The following CLVS1 variants were observed in gnomAD, a reference collection of about 807,000 sequenced individuals.
The protein encoded by CLVS1 is clavesin 1, also known as clavesin-1.
CLVS1 carries 10 observed loss-of-function variants against 33.1 expected under a neutral mutation model. The ratio of observed to expected loss-of-function variants is 0.30; its 90% CI spans 0.19 to 0.51. The LOEUF is 0.51. CLVS1 is among the 20% of genes least tolerant of loss of function. The pLI is 0.97. For missense variants in CLVS1, 343 were observed against 433.4 expected, an observed-to-expected ratio of 0.79 and a Z score of 1.85; for synonymous variants, 163 against 166.1, an observed-to-expected ratio of 0.98 and a Z score of 0.14.
chr8:61,191,287 T>A (rs1280295482), intron 2 of CLVS1, among the ~76,000 whole-genome samples: 2 of 152,144 alleles, frequency 1.3e-5, no homozygotes, highest in African/African-American at 4.8e-5. Flanking sequence ...CATGATTATC[T>A]CAATAGATGC....
At chr8:61,452,507 G>A (rs1816999023) in intron 3 of CLVS1, among the ~76,000 whole-genome samples, 1 of 152,146 alleles carries the variant, frequency 6.6e-6, no homozygotes, top group South Asian at 2.1e-4. Context: ...ATAGTGAATA[G>A]CGCTTATTAT....
At chr8:61,381,588 C>T (rs1244685273) in intron 3 of CLVS1, among the ~76,000 whole-genome samples, 1 of 152,166 alleles carries the variant, frequency 6.6e-6, no homozygotes, top group African/African-American at 2.4e-5. Context: ...CGCCCTCCTT[C>T]TACCCTCCAA....
intron 2 of CLVS1, among the ~76,000 whole-genome samples, chr8:61,187,997 A>T (rs1387783908): frequency 6.6e-6 from 1 of 152,138 alleles, no homozygotes; most frequent in Admixed American, 6.6e-5. Flanking sequence ...TTGCATGAGC[A>T]TCTGGAAGCT....
At chr8:61,287,129 C>T (rs1468611908), upstream of CLVS1, among the ~76,000 whole-genome samples, 1 of 152,138 alleles carries the variant, frequency 6.6e-6, no homozygotes, top group Non-Finnish European at 1.5e-5. Flanking sequence ...ACTGGATATA[C>T]ATTGTGAAAT....
At chr8:61,158,090 A>G (rs1432945270) in intron 2 of CLVS1, among the ~76,000 whole-genome samples, 2 of 152,264 alleles carry the variant, frequency 1.3e-5, no homozygotes, top group African/African-American at 4.8e-5. Flanking sequence ...TGGAATGGAT[A>G]AACTATCATC....
At position 61,343,959 on chromosome 8, in the gene CLVS1, C is replaced by A. The variant is rs28650382; in HGVS notation, c.456-32646C>A. Among the ~76,000 whole-genome samples the A allele has an allele frequency of 3.1e-3, 477 of 152,242 alleles. 6 individuals carry two copies. The highest frequency in any genetic ancestry group is 0.011 in the African/African-American group (448 of 41,558). On this transcript the variant is annotated intron_variant, in intron 2 of 5. Coordinates refer to ENST00000325897, the MANE Select transcript of CLVS1 (RefSeq NM_173519.3). Reference sequence around the variant, plus strand: ...TTCTGTCTTAAAGGAGTTTGTTGAACATGATATACATACATACATATACAC... The same window carrying A: ...TTCTGTCTTAAAGGAGTTTGTTGAAAATGATATACATACATACATATACAC...
chr8:61,439,354 T>A (rs1816458358), intron 3 of CLVS1, among the ~76,000 whole-genome samples: 1 of 152,240 alleles, frequency 6.6e-6, no homozygotes, highest in Non-Finnish European at 1.5e-5. Flanking sequence ...TAGTCAAACA[T>A]AAACCCTTTT....
chr8:61,201,881 C>T (rs1278736596), intron 2 of CLVS1, among the ~76,000 whole-genome samples: 1 of 152,200 alleles, frequency 6.6e-6, no homozygotes, highest in African/African-American at 2.4e-5. Context: ...CACTCGCCAG[C>T]AGTTTTGCCA....
At chr8:61,240,852 G>C (rs1410300694) in intron 2 of CLVS1, among the ~76,000 whole-genome samples, 3 of 148,648 alleles carry the variant, frequency 2.0e-5, no homozygotes, top group Non-Finnish European at 3.0e-5. Context: ...GATCTCACGG[G>C]TAAAACTCTC....
intron 2 of CLVS1, among the ~76,000 whole-genome samples, chr8:61,268,013 T>C (rs1376849421): frequency 2.0e-5 from 3 of 150,462 alleles, no homozygotes; most frequent in African/African-American, 7.3e-5. Context: ...TATAAAAGTC[T>C]TTTTTTTTTA....
chr8:60,966,245 T>A, the CLVS1 span: 1 of 388,682 alleles, frequency 2.6e-6, no homozygotes. Flanking sequence ...GCTGTGAGTC[T>A]GAAGCTTGAA....
At chr8:61,454,695 G>A (rs1817083902) in intron 4 of CLVS1, among the ~76,000 whole-genome samples, 1 of 152,202 alleles carries the variant, frequency 6.6e-6, no homozygotes, top group African/African-American at 2.4e-5. Context: ...CTGTAAAGCT[G>A]GAAAAGCATT....
At chr8:61,088,797 C>CTTTTCTTTTTCTTTTT (rs1805175220) in intron 1 of CLVS1, among the ~76,000 whole-genome samples, 1 of 148,814 alleles carries the variant, frequency 6.7e-6, no homozygotes, top group African/African-American at 2.5e-5. Flanking sequence ...TTTTTCTTTT[C>CTTTTCTTTTTCTTTTT]TTTTCTTTTT....
intron 3 of CLVS1, 103 bp from the exon 4 acceptor site, chr8:61,454,038 C>T: frequency 1.3e-6 from 1 of 787,232 alleles, no homozygotes; most frequent in East Asian, 2.4e-5. Flanking sequence ...AGAGCTTCTA[C>T]CAGGCAGGAA....
intron 3 of CLVS1, among the ~76,000 whole-genome samples, chr8:61,390,435 T>C (rs957114095): frequency 6.6e-6 from 1 of 152,208 alleles, no homozygotes; most frequent in Non-Finnish European, 1.5e-5. Context: ...AGGAGTTAAC[T>C]CCTTAGGATA....
chr8:61,235,973 C>T (rs2931352), intron 2 of CLVS1, among the ~76,000 whole-genome samples: 1 of 151,928 alleles, frequency 6.6e-6, no homozygotes, highest in Admixed American at 6.5e-5. Flanking sequence ...AGGTTTCAGA[C>T]CCATGAAATT....
At chr8:61,047,040 G>A in the CLVS1 span, among the ~76,000 whole-genome samples, 20 of 152,238 alleles carry the variant, frequency 1.3e-4, no homozygotes, top group African/African-American at 4.8e-4. Flanking sequence ...AATAGGAGTG[G>A]TGAGAGAGGG....
chr8:61,422,095 ATT>A (rs36039456), intron 3 of CLVS1, among the ~76,000 whole-genome samples: 15 of 146,242 alleles, frequency 1.0e-4, no homozygotes, highest in South Asian at 4.4e-4. Flanking sequence ...TGCCAGGTTG[ATT>A]TTTTTTTTTT....
intron 2 of CLVS1, among the ~76,000 whole-genome samples, chr8:61,326,347 G>C (rs781591698): frequency 6.6e-6 from 1 of 152,264 alleles, no homozygotes; most frequent in Non-Finnish European, 1.5e-5. Flanking sequence ...TTGCATTTAG[G>C]TGTAGAGTCA....
Sources: gnomAD v4.1 joint callset for allele counts (sites outside exome capture counted in the v4.1 genomes callset) on GRCh38, gnomAD v4.1.1 for gene constraint, MANE v1.5 for transcripts, NCBI Gene and HGNC (gene_info 2026-07-23, HGNC 2026-07-21) for gene names.